ARHGEF6: variants seen among roughly 807,000 people sequenced by gnomAD.
ARHGEF6 encodes the protein rho guanine nucleotide exchange factor 6.
A neutral mutation model predicts 70.3 loss-of-function variants in ARHGEF6; 9 were observed. The observed-to-expected ratio is 0.13, with a 90% CI of 0.08 to 0.22. The LOEUF is 0.22. ARHGEF6 is among the 10% of genes least tolerant of loss of function. ARHGEF6 has a pLI of 1.00. For missense variants in ARHGEF6, 470 were observed against 563.0 expected (o/e 0.83, Z 1.67); for synonymous variants, 201 against 207.8 (o/e 0.97, Z 0.28).
At chrX:136,694,649 C>T in intron 9 of ARHGEF6, among the ~76,000 whole-genome samples, 1 of 111,453 alleles carries the variant, frequency 9.0e-6, no homozygotes, top group East Asian at 2.8e-4. Flanking sequence ...CCCTCTCCCT[C>T]GTGAAAAAGG....
chrX:136,687,851 G>A (rs1433922200), intron 11 of ARHGEF6, 81 bp downstream of exon 11: 2 of 842,225 alleles, frequency 2.4e-6, no homozygotes, highest in Non-Finnish European at 3.6e-6. Context: ...TTTGTATAGG[G>A]AAAGAAATGT....
rs752612040 is a variant in ARHGEF6 at position 136,732,124 on chromosome X, A to T, written c.710T>A (p.Leu237His). 5.0e-6 allele frequency: 6 copies of T among 1,208,417 alleles called. No individual in the cohort carries two copies. In the Admixed American group the frequency reaches 1.3e-4, roughly 26 times the overall value. The part of the protein sequence containing the change: ...KAVKGFETAP[L>H]TKNYYTVVLQ... ...TACCACAGTATAATAATTCTTGGTA[A>T]GTGGAGCAGTTTCAAATCCTTTGAC... The change falls in exon 6 of 22, where the codon CTT becomes CAT. Residue 237 changes from leucine to histidine, a missense_variant. Physicochemically the swap from Leu to His is moderately conservative, Grantham distance 99 (BLOSUM62 -3). Transcript: ENST00000250617.
At chrX:136,682,013 T>A in intron 13 of ARHGEF6, 45 bp from the exon 14 acceptor site, 1 of 1,050,047 alleles carries the variant, frequency 9.5e-7, no homozygotes, top group Non-Finnish European at 1.3e-6. Flanking sequence ...GTTATACAGG[T>A]CTCTGTTTAT....
intron 2 of ARHGEF6, among the ~76,000 whole-genome samples, chrX:136,764,480 G>A (rs368130239): frequency 8.9e-6 from 1 of 111,978 alleles, no homozygotes; most frequent in East Asian, 2.8e-4. Flanking sequence ...GCAACAACAC[G>A]GGTGACTTGT....
chrX:136,669,460 A>C, intron 21 of ARHGEF6, 22 bp downstream of exon 21: 2 of 1,195,833 alleles, frequency 1.7e-6, no homozygotes, highest in Non-Finnish European at 1.1e-6. Flanking sequence ...TTACCCGAGA[A>C]AATGATTTTA....
intron 2 of ARHGEF6, among the ~76,000 whole-genome samples, chrX:136,758,698 A>G (rs2077235939): frequency 9.0e-6 from 1 of 111,480 alleles, no homozygotes. Context: ...GGGGAAACCC[A>G]GCTTTCTTTC....
At chrX:136,686,181 G>A (rs892241875) in intron 11 of ARHGEF6, among the ~76,000 whole-genome samples, 1 of 112,202 alleles carries the variant, frequency 8.9e-6, no homozygotes, top group African/African-American at 3.2e-5. Flanking sequence ...TCTACTGGTT[G>A]GTGCCCCTGC....
chrX:136,671,788 G>T (rs747305050), intron 20 of ARHGEF6, among the ~76,000 whole-genome samples: 2 of 112,207 alleles, frequency 1.8e-5, no homozygotes, highest in East Asian at 5.6e-4. Context: ...AGGGGCAGCT[G>T]CCAGCTGGAG....
At chrX:136,723,172 T>C in intron 6 of ARHGEF6, among the ~76,000 whole-genome samples, 1 of 112,057 alleles carries the variant, frequency 8.9e-6, no homozygotes, top group Middle Eastern at 4.6e-3. Flanking sequence ...TGACTGCTAA[T>C]GGATAGAAGG....
At chrX:136,674,855 GA>G in intron 19 of ARHGEF6, 151 bp downstream of exon 19, 4 of 514,564 alleles carry the variant, frequency 7.8e-6, no homozygotes, top group Non-Finnish European at 1.4e-5. Flanking sequence ...CACCTTATCT[GA>G]AAGATGCAGT....
intron 6 of ARHGEF6, among the ~76,000 whole-genome samples, chrX:136,722,640 GA>G (rs768144931): frequency 1.8e-5 from 2 of 111,200 alleles, no homozygotes; most frequent in Non-Finnish European, 3.8e-5. Context: ...ATATTACAAA[GA>G]AAAAAAAGCA....
intron 1 of ARHGEF6, 60 bp from the exon 2 acceptor site, chrX:136,779,557 C>T: frequency 9.8e-7 from 1 of 1,024,918 alleles, no homozygotes; most frequent in South Asian, 1.9e-5. Flanking sequence ...GCAAAGTATA[C>T]TCATCATTTG....
intron 7 of ARHGEF6, among the ~76,000 whole-genome samples, chrX:136,709,736 G>A (rs2076663950): frequency 8.9e-6 from 1 of 111,867 alleles, no homozygotes; most frequent in Non-Finnish European, 1.9e-5. Flanking sequence ...AGGCCGAGGC[G>A]GGTGGATCAC....
chrX:136,667,818 C>A lies in ARHGEF6; in HGVS notation c.*211G>T, dbSNP rs1056390545. ...TTGAAAAAAAAAATGAACAACCAACCAATAACCAAACAACAGCAAATGCCC... is the reference window on the plus strand; with the variant it reads ...TTGAAAAAAAAAATGAACAACCAACAAATAACCAAACAACAGCAAATGCCC... On this transcript the variant is annotated 3_prime_UTR_variant, in exon 22 of 22. Transcript: ENST00000250617. 6 of 467,020 alleles carry A rather than the reference C, an allele frequency of 1.3e-5. No homozygotes were observed. The highest frequency in any genetic ancestry group is 1.2e-3 in the Middle Eastern group (2 of 1,657). 38.5% of individuals were successfully genotyped at this position (467,020 alleles called of 1,213,427 possible). A position where few individuals can be genotyped will look rare whatever the true frequency, so the allele number is the denominator to read the frequency against.
chrX:136,733,660 T>C (rs919880641), intron 5 of ARHGEF6, among the ~76,000 whole-genome samples: 1 of 112,587 alleles, frequency 8.9e-6, no homozygotes, highest in Non-Finnish European at 1.9e-5. Flanking sequence ...TCATACTTAA[T>C]AGCTTTTAAG....
chrX:136,777,042 T>C (rs2077411422), intron 2 of ARHGEF6, among the ~76,000 whole-genome samples: 1 of 111,037 alleles, frequency 9.0e-6, no homozygotes, highest in Admixed American at 9.6e-5. Flanking sequence ...CTGGCCAACA[T>C]AGTGAAACCC....
chrX:136,731,649 T>C (rs1410418887), intron 6 of ARHGEF6, among the ~76,000 whole-genome samples: 2 of 112,499 alleles, frequency 1.8e-5, no homozygotes, highest in African/African-American at 3.2e-5. Flanking sequence ...AGTTTTCCTT[T>C]TGGGCTCTCT....
chrX:136,767,020 G>T (rs2077321678), intron 2 of ARHGEF6: 1 of 625,656 alleles, frequency 1.6e-6, no homozygotes, highest in African/African-American at 2.4e-5. Context: ...CCCCGCAGCT[G>T]GGGCTGCGAG....
chrX:136,775,151 C>T (rs756684848), intron 2 of ARHGEF6, among the ~76,000 whole-genome samples: 135 of 111,269 alleles, frequency 1.2e-3, no homozygotes, highest in African/African-American at 4.3e-3. Context: ...CCTTCTAAAA[C>T]TATCCCAAAA....
Sources: allele counts gnomAD v4.1 joint callset (sites outside exome capture counted in the v4.1 genomes callset), GRCh38; gene constraint gnomAD v4.1.1; transcripts MANE v1.5; gene names NCBI Gene and HGNC (gene_info 2026-07-23, HGNC 2026-07-21).